Variants in ENOX2 observed in about 807,000 individuals in gnomAD.
ENOX2 encodes the protein ecto-NOX disulfide-thiol exchanger 2, also known as APK1 antigen.
ENOX2 carries 36 observed loss-of-function variants against 45.0 expected under a neutral mutation model. That is an observed-to-expected ratio of 0.80 (90% CI 0.61 to 1.06). The LOEUF (loss-of-function observed/expected upper bound fraction) is 1.06, where lower values mean the gene tolerates loss of function less well. Ranked by LOEUF, ENOX2 falls within the 50% of genes least tolerant of loss-of-function variation. The probability of loss-of-function intolerance (pLI) is 0.00; values close to 1 mark genes in which losing one functional copy is unlikely to be tolerated. For missense variants in ENOX2, 423 were observed against 462.5 expected, an observed-to-expected ratio of 0.91 and a Z score of 0.78; for synonymous variants, 174 against 152.3, an observed-to-expected ratio of 1.14 and a Z score of -1.05.
intron 9 of ENOX2, among the ~76,000 whole-genome samples, chrX:130,661,758 T>C (rs1005691213): frequency 2.7e-5 from 3 of 112,606 alleles, no homozygotes; most frequent in Non-Finnish European, 5.6e-5. Flanking sequence ...AGATAGGTCC[T>C]AAACCAAGGG....
At chrX:130,738,753 A>G (rs758221573) in intron 3 of ENOX2, among the ~76,000 whole-genome samples, 9 of 112,415 alleles carry the variant, frequency 8.0e-5, no homozygotes, top group African/African-American at 2.3e-4. Flanking sequence ...CTGCTGAAAT[A>G]GCTCATGTCA....
chrX:130,747,226 A>G (rs1283596785), intron 3 of ENOX2, among the ~76,000 whole-genome samples: 7 of 110,977 alleles, frequency 6.3e-5, no homozygotes, highest in Non-Finnish European at 1.1e-4. Context: ...GAGATCTTAC[A>G]TTGTACTCTC....
chrX:130,888,576 T>C (rs1426918170), intron 2 of ENOX2, among the ~76,000 whole-genome samples: 1 of 112,099 alleles, frequency 8.9e-6, no homozygotes, highest in Non-Finnish European at 1.9e-5. Flanking sequence ...GAAAACCCTT[T>C]TGTAAATTGT....
At chrX:130,718,330 C>T (rs1232815489) in intron 3 of ENOX2, among the ~76,000 whole-genome samples, 1 of 111,983 alleles carries the variant, frequency 8.9e-6, no homozygotes, top group African/African-American at 3.2e-5. Flanking sequence ...CAGCAGGCTA[C>T]AGAGCAGGGT....
chrX:130,901,492 T>C (rs1351953118), intron 2 of ENOX2, among the ~76,000 whole-genome samples, 192 bp downstream of exon 2: 6 of 112,777 alleles, frequency 5.3e-5, no homozygotes, highest in African/African-American at 1.9e-4. Context: ...GCAGTCATTA[T>C]TGTCACCCAA....
chrX:130,635,207 C>T lies in ENOX2; in HGVS notation c.1312-116G>A, dbSNP rs189075571. 2.0e-5 allele frequency: 8 copies of T among 397,896 alleles called. No homozygotes were observed. In the East Asian group the frequency reaches 2.1e-4, roughly 10 times the overall value. The allele number at this position is 397,896 out of a possible 1,213,427, so 32.8% of individuals were successfully genotyped here. A position where few individuals can be genotyped will look rare whatever the true frequency, so the allele number is the denominator to read the frequency against. ...CTGCCTCACTTTCCTCCAGCACACA[C>T]GACCATTTTTCCATAAAGAGATTGG... is the stretch of plus-strand genomic sequence containing the variant. On this transcript the variant is annotated intron_variant, in intron 11 of 14. Transcript: ENST00000394363.
chrX:130,795,421 T>C (rs778385023), intron 2 of ENOX2, among the ~76,000 whole-genome samples: 4 of 111,884 alleles, frequency 3.6e-5, no homozygotes, highest in African/African-American at 1.3e-4. Context: ...AAAAAAAAAG[T>C]AGGATCTTAA....
chrX:130,814,044 C>T (rs1409357022), intron 2 of ENOX2, among the ~76,000 whole-genome samples: 4 of 111,881 alleles, frequency 3.6e-5, no homozygotes, highest in East Asian at 5.7e-4. Context: ...CTTGGATGCT[C>T]GAGCTTGGTG....
intron 9 of ENOX2, among the ~76,000 whole-genome samples, chrX:130,658,852 C>T (rs190548910): frequency 9.8e-5 from 11 of 112,210 alleles, no homozygotes; most frequent in Admixed American, 2.8e-4. Flanking sequence ...AATAGACTTG[C>T]GCTATAGAAA....
rs181050283 is a variant in ENOX2, at chrX:130,876,748, A to G, written c.-183+24936T>C. On this transcript the variant is annotated intron_variant, in intron 2 of 14. Transcript: ENST00000394363. The stretch of plus-strand genomic sequence containing the variant: ...GAAGTAGAATCAGGGTCACCACACT[A>G]CATAACTCCTCAATTTATTCTGTAG... Among the ~76,000 whole-genome samples the G allele has an allele frequency of 9.8e-5, 11 of 111,800 alleles. No individual in the cohort carries two copies. In the East Asian group the frequency reaches 2.8e-3, roughly 29 times the overall value.
chrX:130,757,689 T>C (rs868761828), intron 3 of ENOX2, among the ~76,000 whole-genome samples: 113 of 111,881 alleles, frequency 1.0e-3, no homozygotes, highest in African/African-American at 3.4e-3. Flanking sequence ...GAAATAATTA[T>C]AGATTCATCT....
chrX:130,726,268 AAGCCC>A (rs2038602352), intron 3 of ENOX2, among the ~76,000 whole-genome samples: 1 of 111,988 alleles, frequency 8.9e-6, no homozygotes, highest in African/African-American at 3.3e-5. Flanking sequence ...CAACAAAGCA[AAGCCC>A]TTTCCCTTAT....
In ENOX2 at chrX:130,627,431, A is replaced by G. The variant is rs1012705047; in HGVS notation, c.1614+527T>C. On this transcript the variant is annotated intron_variant, in intron 14 of 14. Coordinates refer to ENST00000394363, the MANE Select transcript of ENOX2 (RefSeq NM_006375.4). Reference sequence around the variant, plus strand: ...CCCTGTTTCTATAAAAAATACAAAAATTAGCCAGGCATGGTGGCATGCATC... The same window carrying G: ...CCCTGTTTCTATAAAAAATACAAAAGTTAGCCAGGCATGGTGGCATGCATC... Among the ~76,000 whole-genome samples, 3 of 110,808 alleles carry G rather than the reference A, an allele frequency of 2.7e-5. No individual in the cohort carries two copies. In the East Asian group the frequency reaches 8.5e-4, roughly 32 times the overall value.
intron 5 of ENOX2, among the ~76,000 whole-genome samples, chrX:130,680,025 T>C (rs1193585609): frequency 8.9e-6 from 1 of 112,259 alleles, no homozygotes; most frequent in Non-Finnish European, 1.9e-5. Flanking sequence ...TTCGTTACTT[T>C]TGTTGTGACA....
chrX:130,679,880 T>C, intron 5 of ENOX2, 132 bp from the exon 6 acceptor site: 1 of 476,694 alleles, frequency 2.1e-6, no homozygotes, highest in African/African-American at 2.4e-5. Flanking sequence ...GCCTCTGAGG[T>C]GTTCATCTCT....
intron 2 of ENOX2, among the ~76,000 whole-genome samples, chrX:130,850,051 T>C (rs2078179748): frequency 8.9e-6 from 1 of 111,825 alleles, no homozygotes; most frequent in African/African-American, 3.3e-5. Context: ...TCCCTCTAGA[T>C]CTAATATCCT....
chrX:130,719,141 GGACAGC>G (rs2038405854), intron 3 of ENOX2, among the ~76,000 whole-genome samples: 1 of 111,206 alleles, frequency 9.0e-6, no homozygotes, highest in Non-Finnish European at 1.9e-5. Flanking sequence ...AGTAAGCAGT[GGACAGC>G]CACGTTTCCA....
rs754084505 is a variant in ENOX2, at chrX:130,667,770, CA to C, written c.695-29del. 6 of 1,088,055 alleles carry C rather than the reference CA, an allele frequency of 5.5e-6. No homozygotes were observed. In the South Asian group the frequency reaches 1.2e-4, roughly 22 times the overall value. 89.7% of individuals were successfully genotyped at this position (1,088,055 alleles called of 1,213,427 possible). On this transcript the variant is annotated intron_variant, in intron 7 of 14. Coordinates refer to ENST00000394363, the MANE Select transcript of ENOX2 (RefSeq NM_006375.4). The stretch of plus-strand genomic sequence containing the variant: ...GAAAAAAATATATTTTTATAACCAA[CA>C]AAGGTAACCAAATTTTGATCTATTT...
chrX:130,902,176 G>A (rs917271853), intron 1 of ENOX2, among the ~76,000 whole-genome samples: 4 of 111,222 alleles, frequency 3.6e-5, no homozygotes, highest in African/African-American at 1.3e-4. Flanking sequence ...TTTTGCACAC[G>A]TTTGTAATAA....
Sources: allele counts gnomAD v4.1 joint callset (sites outside exome capture counted in the v4.1 genomes callset), GRCh38; gene constraint gnomAD v4.1.1; transcripts MANE v1.5; gene names NCBI Gene and HGNC (gene_info 2026-07-23, HGNC 2026-07-21).